Variants in EPB41L3 observed in about 807,000 individuals in gnomAD.
EPB41L3 encodes erythrocyte membrane protein band 4.1 like 3.
In EPB41L3, 57 loss-of-function variants were observed where a neutral mutation model predicts 127.1. That is an observed-to-expected ratio of 0.45 (90% CI 0.36 to 0.56). The LOEUF is 0.56. Among genes scored for constraint, EPB41L3 ranks in the 20% least tolerant of loss-of-function variants. The pLI, the probability that EPB41L3 is intolerant of heterozygous loss-of-function variation, is 0.00. For synonymous variants in EPB41L3, 572 were observed against 549.5 expected, an observed-to-expected ratio of 1.04 and a Z score of -0.57; for missense variants, 1,273 against 1,372.2, an observed-to-expected ratio of 0.93 and a Z score of 1.14.
At chr18:5,508,766 C>CAAAAAAAAAA (rs397969769) in intron 1 of EPB41L3, among the ~76,000 whole-genome samples, 2 of 52,596 alleles carry the variant, frequency 3.8e-5, no homozygotes, top group Non-Finnish European at 4.2e-5. Context: ...GACTCCATCT[C>CAAAAAAAAAA]AAAAAAAAAA....
At chr18:5,467,655 T>C (rs1402600242) in intron 3 of EPB41L3, 3 of 152,200 alleles carry the variant, frequency 2.0e-5, no homozygotes, top group Non-Finnish European at 4.4e-5. Flanking sequence ...ATTAGAAAAA[T>C]TCACCAATTT....
chr18:5,549,041 A>G (rs1189104693), upstream of EPB41L3, among the ~76,000 whole-genome samples: 1 of 152,242 alleles, frequency 6.6e-6, no homozygotes, highest in Admixed American at 6.5e-5. Flanking sequence ...AAAAATTAAC[A>G]GAGGAAGAAA....
At chr18:5,528,351 A>C (rs1395203955) in intron 1 of EPB41L3, among the ~76,000 whole-genome samples, 2 of 151,542 alleles carry the variant, frequency 1.3e-5, no homozygotes, top group Admixed American at 6.6e-5. Context: ...TTTTTAAAAA[A>C]TTTTTGTAGA....
At chr18:5,613,183 T>C (rs1245515093) in intron 2 of EPB41L3, among the ~76,000 whole-genome samples, 6 of 152,158 alleles carry the variant, frequency 3.9e-5, no homozygotes, top group African/African-American at 1.4e-4. Flanking sequence ...AGTTCAGTCA[T>C]CTCTTAAGGA....
intron 1 of EPB41L3, among the ~76,000 whole-genome samples, chr18:5,536,240 G>A (rs989335265): frequency 6.6e-6 from 1 of 151,834 alleles, no homozygotes; most frequent in African/African-American, 2.4e-5. Context: ...AATCATCAGA[G>A]ATTTTAATTT....
chr18:5,580,427 C>G (rs2094382509), intron 3 of EPB41L3, among the ~76,000 whole-genome samples: 1 of 152,022 alleles, frequency 6.6e-6, no homozygotes, highest in African/African-American at 2.4e-5. Context: ...CATATACATA[C>G]ATGTATATAG....
At position 5,616,445 on chromosome 18, in the gene EPB41L3, G is replaced by A. The variant is rs531574862; in HGVS notation, c.-467-2022C>T. Reference sequence around the variant, plus strand: ...AGTGTTTTTATGATGCAATACAAGTGTTTTTATTATGCAATATTATATATA... The same window carrying A: ...AGTGTTTTTATGATGCAATACAAGTATTTTTATTATGCAATATTATATATA... On this transcript the variant is annotated intron_variant, in intron 1 of 21. Coordinates refer to the EPB41L3 transcript ENST00000545076. 2.0e-5 allele frequency among the ~76,000 whole-genome samples: 3 copies of A among 152,000 alleles called. 1 individual carries two copies. The highest frequency in any genetic ancestry group is 4.1e-4 in the South Asian group (2 of 4,820).
At chr18:5,630,017 C>T (rs779790083), upstream of EPB41L3, among the ~76,000 whole-genome samples, 1 of 152,204 alleles carries the variant, frequency 6.6e-6, no homozygotes, top group African/African-American at 2.4e-5. Flanking sequence ...CTGGTGCGCT[C>T]GCCGGGCCCC....
At chr18:5,548,743 T>C (rs542301984), upstream of EPB41L3, among the ~76,000 whole-genome samples, 4 of 151,986 alleles carry the variant, frequency 2.6e-5, no homozygotes, top group Non-Finnish European at 5.9e-5. Flanking sequence ...ATTCTGTTCT[T>C]AAGTAAAAAT....
At chr18:5,627,264 C>T (rs1183773267) in intron 1 of EPB41L3, among the ~76,000 whole-genome samples, 1 of 152,164 alleles carries the variant, frequency 6.6e-6, no homozygotes, top group African/African-American at 2.4e-5. Context: ...GGCCTACCAA[C>T]TAGGATGTGA....
chr18:5,511,278 T>C (rs1486720450), intron 1 of EPB41L3, among the ~76,000 whole-genome samples: 1 of 151,262 alleles, frequency 6.6e-6, no homozygotes, highest in Admixed American at 6.6e-5. Flanking sequence ...TTAAAGTGAA[T>C]TAATTTGATT....
chr18:5,627,030 G>A (rs2094929948), intron 1 of EPB41L3, among the ~76,000 whole-genome samples: 1 of 152,136 alleles, frequency 6.6e-6, no homozygotes, highest in African/African-American at 2.4e-5. Flanking sequence ...GGTGGAACTG[G>A]AAGGAAGGGA....
At chr18:5,625,716 G>C (rs2094916018) in intron 1 of EPB41L3, among the ~76,000 whole-genome samples, 1 of 152,134 alleles carries the variant, frequency 6.6e-6, no homozygotes, top group South Asian at 2.1e-4. Context: ...CTAAAAGCCA[G>C]GTCATATTCT....
intron 14 of EPB41L3, among the ~76,000 whole-genome samples, chr18:5,409,356 A>G (rs144059188): frequency 2.0e-4 from 30 of 152,324 alleles, no homozygotes; most frequent in African/African-American, 6.7e-4. Flanking sequence ...TAAGATTCCA[A>G]TGAAATTTAC....
chr18:5,442,614 G>C (rs2080938993), intron 5 of EPB41L3, among the ~76,000 whole-genome samples: 1 of 152,022 alleles, frequency 6.6e-6, no homozygotes, highest in Non-Finnish European at 1.5e-5. Context: ...TATTGAAATG[G>C]GAATGATGTT....
In EPB41L3 at chr18:5,504,835, G is replaced by A. The variant is rs540212861; in HGVS notation, c.-11-15641C>T. ...AGCCTCATCTTCATCCTCACCACACGAGCTTCAACAGTCATGAATGACCCA... is the reference window on the plus strand; with the variant it reads ...AGCCTCATCTTCATCCTCACCACACAAGCTTCAACAGTCATGAATGACCCA... On this transcript the variant is annotated intron_variant, in intron 1 of 22. Coordinates refer to ENST00000341928, the MANE Select transcript of EPB41L3 (RefSeq NM_012307.5). Among the ~76,000 whole-genome samples, 16 of 152,126 alleles carry A rather than the reference G, an allele frequency of 1.1e-4. No homozygotes were observed. The East Asian group carries it at 2.3e-3, about 22-fold the overall frequency.
upstream of EPB41L3, chr18:5,630,600 T>TCCTCCCGCAGCTGCGGTGGCGGCA: frequency 2.1e-6 from 1 of 486,206 alleles, no homozygotes; most frequent in Non-Finnish European, 4.1e-6. Flanking sequence ...AGACCCGGGC[T>TCCTCCCGCAGCTGCGGTGGCGGCA]CCTCCCGCAG....
Position 5,395,626 on chromosome 18 carries a change from T to C in EPB41L3, c.3055A>G (p.Thr1019Ala), listed in dbSNP as rs1567958145. ...CCACTTACTTTGGTGATGTGCGTAG[T>C]GGTGGTGGTACTGGTGGTTTCAGAT... ...ITSETTSTTTTTHITKTVKGG... is the reference protein window; with the variant it reads ...ITSETTSTTTATHITKTVKGG... The change falls in exon 20 of 23, where the codon ACT becomes GCT. Residue 1019 changes from threonine to alanine, a missense_variant. Transcript: ENST00000341928. 2.5e-6 allele frequency: 4 copies of C among 1,613,640 alleles called. No homozygotes were observed. The highest frequency in any genetic ancestry group is 3.4e-6 in the Non-Finnish European group (4 of 1,179,550).
intron 1 of EPB41L3, among the ~76,000 whole-genome samples, chr18:5,614,840 C>T (rs1031823321): frequency 6.6e-6 from 1 of 151,992 alleles, no homozygotes; most frequent in African/African-American, 2.4e-5. Flanking sequence ...TAACTAAAAG[C>T]ATGATTATGA....
Sources: gnomAD v4.1 joint callset for allele counts (sites outside exome capture counted in the v4.1 genomes callset) on GRCh38, gnomAD v4.1.1 for gene constraint, MANE v1.5 for transcripts, NCBI Gene and HGNC (gene_info 2026-07-23, HGNC 2026-07-21) for gene names.